The following ANK2 variants were observed in gnomAD, a reference collection of about 807,000 sequenced individuals.
ANK2 encodes ankyrin 2.
ANK2 carries 83 observed loss-of-function variants against 360.5 expected under a neutral mutation model. The ratio of observed to expected loss-of-function variants is 0.23; its 90% CI spans 0.19 to 0.28. ANK2 has a LOEUF of 0.28. Ranked by LOEUF, ANK2 falls within the 10% of genes least tolerant of loss-of-function variation. The pLI is 1.00. For missense variants in ANK2, 4,201 were observed against 4,795.7 expected, an observed-to-expected ratio of 0.88 and a Z score of 3.66; for synonymous variants, 1,740 against 1,759.5, an observed-to-expected ratio of 0.99 and a Z score of 0.28.
intron 2 of ANK2, among the ~76,000 whole-genome samples, chr4:112,973,241 T>C (rs766054474): frequency 3.3e-5 from 5 of 151,908 alleles, no homozygotes; most frequent in African/African-American, 4.8e-5. Context: ...ACCTCAGAGA[T>C]TGAAATGCAT....
Position 113,354,524 on chromosome 4 carries a change from C to T in ANK2, c.5906C>T (p.Thr1969Ile), listed in dbSNP as rs148760530. ...KHLPVSPSGKTEKQPPVSPTS... is the reference protein window; with the variant it reads ...KHLPVSPSGKIEKQPPVSPTS... ...CTGCCTGTGTCACCTTCTGGCAAAA[C>T]AGAAAAGCAACCACCTGTATCCCCC... Residue 1969 changes from threonine to isoleucine, a missense_variant, in exon 38 of 46, where the codon ACA becomes ATA. By Grantham distance (89) the Thr-to-Ile change is moderately conservative. Coordinates refer to ENST00000357077, the MANE Select transcript of ANK2 (RefSeq NM_001148.6). 3.1e-6 allele frequency: 5 copies of T among 1,614,020 alleles called. No individual in the cohort carries two copies. Among genetic ancestry groups the T allele is most frequent in the Non-Finnish European group, 4.2e-6 (5 of 1,180,004 alleles).
At chr4:112,993,150 G>C (rs2047380198) in intron 2 of ANK2, among the ~76,000 whole-genome samples, 1 of 151,944 alleles carries the variant, frequency 6.6e-6, no homozygotes, top group African/African-American at 2.4e-5. Context: ...TGGGCATGGT[G>C]GTGTGCCCCT....
chr4:113,180,461 T>C (rs892674085), intron 2 of ANK2, among the ~76,000 whole-genome samples: 19 of 152,210 alleles, frequency 1.2e-4, no homozygotes, highest in Non-Finnish European at 2.4e-4. Context: ...CAACCTAAGC[T>C]TTAGCAAAAG....
At chr4:113,001,406 ATAAC>A (rs997066892) in intron 2 of ANK2, among the ~76,000 whole-genome samples, 1 of 152,118 alleles carries the variant, frequency 6.6e-6, no homozygotes, top group African/African-American at 2.4e-5. Flanking sequence ...AAAAAAGTAA[ATAAC>A]TAAGCAAAAC....
chr4:112,987,940 G>T (rs933531829), intron 2 of ANK2, among the ~76,000 whole-genome samples: 1 of 152,110 alleles, frequency 6.6e-6, no homozygotes, highest in East Asian at 1.9e-4. Flanking sequence ...CAGTATTAGT[G>T]TGCAACGGCA....
chr4:112,873,811 G>C (rs2074096228), intron 1 of ANK2, among the ~76,000 whole-genome samples: 1 of 151,940 alleles, frequency 6.6e-6, no homozygotes, highest in Admixed American at 6.5e-5. Context: ...CAAAGTGCTG[G>C]GATTACAGGC....
intron 26 of ANK2, among the ~76,000 whole-genome samples, chr4:113,320,843 C>A (rs2085807813): frequency 2.0e-5 from 3 of 152,102 alleles, no homozygotes; most frequent in African/African-American, 7.2e-5. Flanking sequence ...TTAAGGTATA[C>A]CTAGTTCTCT....
intron 23 of ANK2, among the ~76,000 whole-genome samples, chr4:113,304,786 T>G (rs997093386): frequency 5.9e-5 from 9 of 152,128 alleles, no homozygotes; most frequent in African/African-American, 1.2e-4. Context: ...AAAGTAACAT[T>G]TAAAAATTAT....
chr4:113,277,856 A>G lies in ANK2; in HGVS notation c.1703A>G (p.His568Arg). Reference protein sequence around the residue: ...LATKKGFTPLHVAAKYGSLDV... With the variant: ...LATKKGFTPLRVAAKYGSLDV... ...TTTCAGAAGGGTTTTACTCCCCTGC[A>G]TGTAGCAGCCAAGTATGGAAGCCTG... is the stretch of plus-strand genomic sequence containing the variant. The change falls in exon 16 of 46, where the codon CAT becomes CGT. Residue 568 changes from histidine to arginine, a missense_variant. Physicochemically the swap from His to Arg is conservative, Grantham distance 29. Around this residue, in one of 4 missense-constraint regions of ANK2, gnomAD observed 1,268 missense variants for 1,650.8 expected, o/e 0.77. Transcript: ENST00000357077. The G allele has an allele frequency of 6.2e-7, 1 of 1,613,846 alleles. No individual in the cohort carries two copies. The highest frequency in any genetic ancestry group is 8.5e-7 in the Non-Finnish European group (1 of 1,179,716).
the ANK2 span, among the ~76,000 whole-genome samples, chr4:112,722,205 T>G: frequency 0.013 from 1,954 of 152,318 alleles, 19 homozygotes; most frequent in Non-Finnish European, 0.021. Flanking sequence ...TTCAACTTTC[T>G]TTTAATGCAT....
At chr4:113,278,411 C>A (rs774906429) in intron 16 of ANK2, 49 bp from the exon 17 acceptor site, 1 of 1,512,288 alleles carries the variant, frequency 6.6e-7, no homozygotes, top group Non-Finnish European at 9.2e-7. Flanking sequence ...AGCTTCAGGG[C>A]AGCTAACCCT....
chr4:112,762,519 T>G, the ANK2 span, among the ~76,000 whole-genome samples: 4 of 152,200 alleles, frequency 2.6e-5, no homozygotes, highest in East Asian at 7.7e-4. Context: ...TTGTTGTTGT[T>G]GTTGTTATTT....
chr4:113,027,279 C>T (rs1168760871), intron 2 of ANK2, among the ~76,000 whole-genome samples: 1 of 152,006 alleles, frequency 6.6e-6, no homozygotes, highest in East Asian at 1.9e-4. Context: ...AGTTCAGTAC[C>T]ATCGCTAACT....
the ANK2 span, among the ~76,000 whole-genome samples, chr4:112,760,088 A>G: frequency 6.6e-6 from 1 of 152,078 alleles, no homozygotes; most frequent in African/African-American, 2.4e-5. Flanking sequence ...GCCATAAATC[A>G]ATGGTTGACT....
At chr4:112,804,264 C>T in the ANK2 span, among the ~76,000 whole-genome samples, 4 of 152,136 alleles carry the variant, frequency 2.6e-5, no homozygotes, top group Non-Finnish European at 5.9e-5. Flanking sequence ...TTGTGATCTG[C>T]GCACCTCGGC....
chr4:113,293,316 T>A, intron 21 of ANK2, 124 bp from the exon 22 acceptor site: 1 of 850,500 alleles, frequency 1.2e-6, no homozygotes, highest in Non-Finnish European at 1.9e-6. Context: ...ACTAGTGATT[T>A]TCCTAAGCTG....
At chr4:113,302,968 CT>C in intron 23 of ANK2, 129 bp downstream of exon 23, 1 of 864,646 alleles carries the variant, frequency 1.2e-6, no homozygotes. Flanking sequence ...ACTTTTTCAC[CT>C]TTGTTTCAAT....
chr4:113,292,206 T>G (rs1293408407), intron 20 of ANK2, among the ~76,000 whole-genome samples: 1 of 152,206 alleles, frequency 6.6e-6, no homozygotes, highest in Non-Finnish European at 1.5e-5. Context: ...TAATCTTGTT[T>G]CATCAGCTGG....
chr4:112,878,303 T>G (rs1194770905), intron 1 of ANK2, among the ~76,000 whole-genome samples: 2 of 152,072 alleles, frequency 1.3e-5, no homozygotes, highest in Non-Finnish European at 2.9e-5. Flanking sequence ...TGTGGTTCTT[T>G]TATTTGTTTA....
Sources: gnomAD v4.1 joint callset for allele counts (sites outside exome capture counted in the v4.1 genomes callset) on GRCh38, gnomAD v4.1.1 for gene constraint, gnomAD v4.1.1 regional missense constraint, MANE v1.5 for transcripts, NCBI Gene and HGNC (gene_info 2026-07-23, HGNC 2026-07-21) for gene names.